The following REV3L variants were observed in gnomAD, a reference collection of about 807,000 sequenced individuals.
The protein encoded by REV3L is DNA polymerase zeta catalytic subunit.
Under a neutral mutation model 299.4 loss-of-function variants are expected in REV3L, and 69 were observed. The ratio of observed to expected loss-of-function variants is 0.23; its 90% confidence interval spans 0.19 to 0.28. REV3L has a LOEUF of 0.28. REV3L is among the 10% of genes least tolerant of loss of function. The pLI, the probability that REV3L is intolerant of heterozygous loss-of-function variation, is 1.00. For synonymous variants in REV3L, 1,238 were observed against 1,271.4 expected, an observed-to-expected ratio of 0.97 and a Z score of 0.56; for missense variants, 3,128 against 3,693.8, an observed-to-expected ratio of 0.85 and a Z score of 3.97.
chr6:111,382,789 C>A (rs533192730), intron 9 of REV3L, among the ~76,000 whole-genome samples: 1 of 152,102 alleles, frequency 6.6e-6, no homozygotes, highest in Non-Finnish European at 1.5e-5. Flanking sequence ...TGTCACCCCC[C>A]CTCCCCCAAC....
chr6:111,347,973 G>A (rs1322792775), intron 20 of REV3L, among the ~76,000 whole-genome samples: 3 of 152,046 alleles, frequency 2.0e-5, no homozygotes, highest in Non-Finnish European at 4.4e-5. Flanking sequence ...TGGCTAACTC[G>A]TATTTTTTGG....
chr6:111,466,754 A>T (rs1791564508), intron 1 of REV3L, among the ~76,000 whole-genome samples: 1 of 152,210 alleles, frequency 6.6e-6, no homozygotes, highest in South Asian at 2.1e-4. Flanking sequence ...AAGCACGAGA[A>T]TCACTTGAAC....
In REV3L at chr6:111,333,364, G is replaced by A. The variant is rs143754028; in HGVS notation, c.7684C>T (p.Arg2562Cys). Residue 2562 changes from arginine to cysteine, a missense_variant, in exon 23 of 32, where the codon CGT becomes TGT. By Grantham distance (180) the Arg-to-Cys change is radical. Transcript: ENST00000368802. ...ATACGCAACATCATTGATTCCACAC[G>A]GTACTGCAGGGAGAAAGGGAGGTGA... ...LHVLTRGSQY[R>C]VESMMLRIAK... is the part of the protein sequence containing the mutation. 1.9e-4 allele frequency: 313 copies of A among 1,613,150 alleles called. No homozygotes were observed. The highest frequency in any genetic ancestry group is 2.5e-4 in the Non-Finnish European group (292 of 1,179,280).
intron 11 of REV3L, among the ~76,000 whole-genome samples, chr6:111,379,254 A>C (rs1780593257): frequency 6.6e-6 from 1 of 152,232 alleles, no homozygotes; most frequent in African/African-American, 2.4e-5. Flanking sequence ...CATCATATAC[A>C]TGTAAACACT....
intron 1 of REV3L, among the ~76,000 whole-genome samples, chr6:111,457,261 C>T (rs1182629947): frequency 6.6e-6 from 1 of 151,858 alleles, no homozygotes; most frequent in Non-Finnish European, 1.5e-5. Context: ...AAATATATAA[C>T]AGTATAATAA....
At chr6:111,346,407 C>A (rs1217880769) in intron 20 of REV3L, among the ~76,000 whole-genome samples, 1 of 152,186 alleles carries the variant, frequency 6.6e-6, no homozygotes, top group Non-Finnish European at 1.5e-5. Flanking sequence ...CATAAGGAAA[C>A]TGCAGGAGTT....
At chr6:111,385,354 T>C (rs983937976) in intron 9 of REV3L, among the ~76,000 whole-genome samples, 2 of 152,056 alleles carry the variant, frequency 1.3e-5, no homozygotes, top group African/African-American at 4.8e-5. Context: ...AAATCTCTCA[T>C]GTACCCCATA....
At chr6:111,450,550 ATATATG>A (rs1426796415) in intron 1 of REV3L, among the ~76,000 whole-genome samples, 3 of 150,902 alleles carry the variant, frequency 2.0e-5, no homozygotes, top group Non-Finnish European at 4.4e-5. Flanking sequence ...AAGCAGGCTT[ATATATG>A]TATAACTTAA....
At chr6:111,315,930 G>C (rs1039086319) in intron 26 of REV3L, among the ~76,000 whole-genome samples, 1 of 152,178 alleles carries the variant, frequency 6.6e-6, no homozygotes, top group Non-Finnish European at 1.5e-5. Context: ...ACCGATCCCT[G>C]GTGCTAAAAA....
intron 1 of REV3L, among the ~76,000 whole-genome samples, chr6:111,422,109 G>A (rs1785426719): frequency 6.6e-6 from 1 of 152,078 alleles, no homozygotes; most frequent in Admixed American, 6.6e-5. Context: ...TGTACACGAA[G>A]ATTCAGATAC....
intron 1 of REV3L, among the ~76,000 whole-genome samples, chr6:111,453,913 G>A (rs921893283): frequency 7.2e-5 from 11 of 152,170 alleles, no homozygotes; most frequent in African/African-American, 2.7e-4. Context: ...TTGAAGCTGG[G>A]AAGCAGAGGT....
At chr6:111,400,847 T>C (rs1021633605) in intron 4 of REV3L, among the ~76,000 whole-genome samples, 1 of 152,206 alleles carries the variant, frequency 6.6e-6, no homozygotes, top group Non-Finnish European at 1.5e-5. Context: ...ATATTTTACA[T>C]TTAAGTTTGT....
At chr6:111,399,365 C>T (rs770085792) in intron 4 of REV3L, among the ~76,000 whole-genome samples, 2 of 152,142 alleles carry the variant, frequency 1.3e-5, no homozygotes, top group Non-Finnish European at 2.9e-5. Flanking sequence ...CACCTGGTTT[C>T]CCTCATTGTT....
At chr6:111,481,149 T>C (rs548543901) in intron 1 of REV3L, among the ~76,000 whole-genome samples, 1 of 152,162 alleles carries the variant, frequency 6.6e-6, no homozygotes, top group African/African-American at 2.4e-5. Flanking sequence ...CAAGCTGTAA[T>C]ACACAGAAAT....
intron 31 of REV3L, among the ~76,000 whole-genome samples, chr6:111,302,204 C>T (rs1434586097): frequency 2.0e-5 from 3 of 152,178 alleles, no homozygotes; most frequent in Non-Finnish European, 2.9e-5. Flanking sequence ...CAGTATGCTC[C>T]ATGAAGACTG....
intron 21 of REV3L, among the ~76,000 whole-genome samples, chr6:111,338,312 CTTTTTTTTTTTTTTTTTTTTTTTTTTTTT>C (rs144497761): frequency 6.3e-5 from 3 of 47,942 alleles, no homozygotes; most frequent in Admixed American, 2.2e-4. Flanking sequence ...GTCTAAAGTC[CTTTTTTTTTTTTTTTTTTTTTTTTTTTTT>C]TTTTTTTTTT....
At chr6:111,423,779 T>A (rs1785849236) in intron 1 of REV3L, among the ~76,000 whole-genome samples, 1 of 152,072 alleles carries the variant, frequency 6.6e-6, no homozygotes, top group Non-Finnish European at 1.5e-5. Flanking sequence ...CTATGGTAAC[T>A]GGAATTTGAG....
At chr6:111,325,893 C>T (rs1774735429) in intron 25 of REV3L, among the ~76,000 whole-genome samples, 1 of 152,108 alleles carries the variant, frequency 6.6e-6, no homozygotes, top group Non-Finnish European at 1.5e-5. Flanking sequence ...TATTTTTGTA[C>T]TCATTAATCA....
chr6:111,392,804 T>C, intron 5 of REV3L, 72 bp downstream of exon 5: 7 of 944,104 alleles, frequency 7.4e-6, no homozygotes, highest in East Asian at 2.5e-5. Context: ...AATTTAATTA[T>C]GGTAACCACT....
Sources: allele counts gnomAD v4.1 joint callset (sites outside exome capture counted in the v4.1 genomes callset), GRCh38; gene constraint gnomAD v4.1.1; transcripts MANE v1.5; gene names NCBI Gene and HGNC (gene_info 2026-07-23, HGNC 2026-07-21).